TENM3: variants seen among roughly 807,000 people sequenced by gnomAD.
The protein encoded by TENM3 is teneurin transmembrane protein 3.
Under a neutral mutation model 255.1 loss-of-function variants are expected in TENM3, and 63 were observed. That is an observed-to-expected ratio of 0.25 (90% CI 0.20 to 0.30). The LOEUF (loss-of-function observed/expected upper bound fraction) is 0.30, where lower values mean the gene tolerates loss of function less well. Among genes scored for constraint, TENM3 ranks in the 10% least tolerant of loss-of-function variants. The pLI is 1.00. For missense variants in TENM3, 2,929 were observed against 3,461.1 expected, an observed-to-expected ratio of 0.85 and a Z score of 3.86; for synonymous variants, 1,306 against 1,322.3, an observed-to-expected ratio of 0.99 and a Z score of 0.27.
At chr4:181,503,984 C>G in the TENM3 span, among the ~76,000 whole-genome samples, 2 of 152,288 alleles carry the variant, frequency 1.3e-5, no homozygotes, top group South Asian at 2.1e-4. Flanking sequence ...AGCAGCATTT[C>G]CACTTTTCCT....
At chr4:182,228,275 G>A (rs1256077134) in intron 1 of TENM3, among the ~76,000 whole-genome samples, 1 of 151,370 alleles carries the variant, frequency 6.6e-6, no homozygotes, top group Non-Finnish European at 1.5e-5. Flanking sequence ...GGATACTTTA[G>A]CTTCTCTATA....
At chr4:182,121,542 G>A in the TENM3 span, among the ~76,000 whole-genome samples, 62,617 of 152,004 alleles carry the variant, frequency 0.41, 12,966 homozygotes, top group East Asian at 0.49. Context: ...TCACAATAAC[G>A]TGAGTCACAT....
At chr4:182,042,086 A>G in the TENM3 span, among the ~76,000 whole-genome samples, 4 of 152,106 alleles carry the variant, frequency 2.6e-5, no homozygotes, top group Admixed American at 1.3e-4. Context: ...GTGGTGTGGT[A>G]TGTGTGTGTG....
chr4:181,496,465 C>G, the TENM3 span, among the ~76,000 whole-genome samples: 1 of 152,114 alleles, frequency 6.6e-6, no homozygotes, highest in African/African-American at 2.4e-5. Context: ...CCACATTTAA[C>G]TAAACATTTA....
chr4:181,623,321 T>C, the TENM3 span, among the ~76,000 whole-genome samples: 1 of 152,306 alleles, frequency 6.6e-6, no homozygotes, highest in South Asian at 2.1e-4. Context: ...TGTAAAGTCC[T>C]TACCAGCATA....
chr4:181,545,818 G>A, the TENM3 span, among the ~76,000 whole-genome samples: 6,699 of 152,064 alleles, frequency 0.044, 226 homozygotes, highest in South Asian at 0.15. Context: ...ATTTCTACTC[G>A]TATTTTCTTA....
intron 3 of TENM3, among the ~76,000 whole-genome samples, chr4:182,461,674 ACTT>A (rs939297460): frequency 1.3e-5 from 2 of 152,174 alleles, no homozygotes; most frequent in African/African-American, 4.8e-5. Context: ...TCAATTCATG[ACTT>A]CTTCTTAAAC....
At chr4:181,782,704 T>C in the TENM3 span, among the ~76,000 whole-genome samples, 1 of 152,206 alleles carries the variant, frequency 6.6e-6, no homozygotes, top group East Asian at 1.9e-4. Flanking sequence ...TTCTTTTAAT[T>C]GTGACTTTAG....
chr4:182,295,909 T>A (rs76932115), intron 1 of TENM3, among the ~76,000 whole-genome samples: 9,387 of 152,160 alleles, frequency 0.062, 732 homozygotes, highest in African/African-American at 0.17. Context: ...ACAAACAAAA[T>A]TAAGTTATAG....
At chr4:181,606,931 C>T in the TENM3 span, among the ~76,000 whole-genome samples, 5 of 152,092 alleles carry the variant, frequency 3.3e-5, no homozygotes, top group African/African-American at 9.7e-5. Flanking sequence ...CCACTTACAC[C>T]GCTTGGCTGA....
the TENM3 span, among the ~76,000 whole-genome samples, chr4:181,513,730 G>T: frequency 6.6e-6 from 1 of 152,160 alleles, no homozygotes; most frequent in Non-Finnish European, 1.5e-5. Context: ...TCATAAAACA[G>T]CTGAGGCTTT....
chr4:181,739,346 T>C, the TENM3 span, among the ~76,000 whole-genome samples: 8 of 152,242 alleles, frequency 5.3e-5, no homozygotes, highest in Non-Finnish European at 1.0e-4. Context: ...CACAGATGAC[T>C]GAGAACTGGT....
the TENM3 span, among the ~76,000 whole-genome samples, chr4:181,502,179 T>C: frequency 2.6e-4 from 40 of 152,332 alleles, no homozygotes; most frequent in East Asian, 3.9e-3. Flanking sequence ...TGTGATACTA[T>C]AATGGCAGAG....
At chr4:182,784,914 C>G in intron 24 of TENM3, among the ~76,000 whole-genome samples, 2 of 152,116 alleles carry the variant, frequency 1.3e-5, no homozygotes, top group African/African-American at 4.8e-5. Flanking sequence ...TGCTTCGGCT[C>G]GCGCACGGTG....
In TENM3 at chr4:182,198,391, G is replaced by T. The variant is rs189707861; in HGVS notation, c.-76+53637G>T. On this transcript the variant is annotated intron_variant, in intron 1 of 2. Transcript: ENST00000512480. ...GACCTTTTGATTGATTGGGAATAAG[G>T]TGCAGCACTTTGTGAACTCAAGGCG... Among the ~76,000 whole-genome samples the T allele has an allele frequency of 1.2e-4, 19 of 152,316 alleles. No individual in the cohort carries two copies. The East Asian group carries it at 3.7e-3, about 29-fold the overall frequency.
chr4:182,305,761 T>C (rs1762099377), intron 1 of TENM3, among the ~76,000 whole-genome samples: 1 of 152,192 alleles, frequency 6.6e-6, no homozygotes, highest in Non-Finnish European at 1.5e-5. Context: ...GTCCTGTGTA[T>C]GTGACTTTGC....
At chr4:181,641,515 A>AT in the TENM3 span, among the ~76,000 whole-genome samples, 2 of 115,564 alleles carry the variant, frequency 1.7e-5, no homozygotes, top group African/African-American at 3.4e-5. Context: ...AAATGAACTC[A>AT]TCCTTTTTTG....
chr4:181,838,979 A>G, the TENM3 span, among the ~76,000 whole-genome samples: 1 of 151,784 alleles, frequency 6.6e-6, no homozygotes, highest in East Asian at 1.9e-4. Context: ...TTCTTTTCTA[A>G]TATAAGCATT....
intron 6 of TENM3, among the ~76,000 whole-genome samples, chr4:182,665,282 T>A (rs1458794387): frequency 2.0e-5 from 3 of 152,190 alleles, no homozygotes; most frequent in Non-Finnish European, 4.4e-5. Flanking sequence ...TGACAGCACA[T>A]CTGTTTACAA....
Sources: allele counts gnomAD v4.1 joint callset (sites outside exome capture counted in the v4.1 genomes callset), GRCh38; gene constraint gnomAD v4.1.1; transcripts MANE v1.5; gene names NCBI Gene and HGNC (gene_info 2026-07-23, HGNC 2026-07-21).